The following ARFGEF2 variants were observed in gnomAD, a reference collection of about 807,000 sequenced individuals.
ARFGEF2 encodes brefeldin A-inhibited guanine nucleotide-exchange protein 2.
ARFGEF2 carries 74 observed loss-of-function variants against 219.9 expected under a neutral mutation model. That is an observed-to-expected ratio of 0.34 (90% CI 0.28 to 0.41). ARFGEF2 has a LOEUF of 0.41. Among genes scored for constraint, ARFGEF2 ranks in the 10% least tolerant of loss-of-function variants. The probability of loss-of-function intolerance (pLI) is 1.00; values close to 1 mark genes in which losing one functional copy is unlikely to be tolerated. For missense variants in ARFGEF2, 1,743 were observed against 2,218.3 expected (o/e 0.79, Z 4.30); for synonymous variants, 733 against 799.2 (o/e 0.92, Z 1.40).
At chr20:49,008,148 T>G (rs575121416) in intron 26 of ARFGEF2, among the ~76,000 whole-genome samples, 1 of 152,216 alleles carries the variant, frequency 6.6e-6, no homozygotes, top group Admixed American at 6.5e-5. Context: ...TGAAATATAG[T>G]AAAGCGTTAT....
chr20:48,941,951 C>G lies in ARFGEF2; in HGVS notation c.240C>G (p.Ser80=). Residue 80 remains serine, a synonymous_variant, in exon 3 of 39, where the codon TCC becomes TCG. Transcript: ENST00000371917. ...LPFELACQSK[S]PRVVSTSLDC... ...TCGAGCTAGCTTGCCAGTCCAAGTC[C>G]CCAAGGGTAGTCAGCACATCCCTTG... 2.5e-6 allele frequency: 4 copies of G among 1,614,144 alleles called. No homozygotes were observed. Among genetic ancestry groups the G allele is most frequent in the Non-Finnish European group, 3.4e-6 (4 of 1,180,024 alleles).
At chr20:48,961,356 T>C (rs1409502558) in intron 6 of ARFGEF2, among the ~76,000 whole-genome samples, 1 of 152,046 alleles carries the variant, frequency 6.6e-6, no homozygotes, top group African/African-American at 2.4e-5. Context: ...ACACACAGAT[T>C]AGCCTAGGCC....
In ARFGEF2 at chr20:48,960,506, C is replaced by T. The variant is rs187789802; in HGVS notation, c.839-3324C>T. 3.5e-3 allele frequency among the ~76,000 whole-genome samples: 529 copies of T among 151,142 alleles called. 3 individuals carry two copies. Among genetic ancestry groups the T allele is most frequent in the African/African-American group, 0.012 (507 of 41,224 alleles). On this transcript the variant is annotated intron_variant, in intron 6 of 38. Transcript: ENST00000371917. ...TAATTTTCTTTTTTTTTTTTGAGACCGAGTTTTGCTCCTGTCGCCTAGGCT... is the reference window on the plus strand; with the variant it reads ...TAATTTTCTTTTTTTTTTTTGAGACTGAGTTTTGCTCCTGTCGCCTAGGCT...
intron 37 of ARFGEF2, among the ~76,000 whole-genome samples, chr20:49,030,986 C>G (rs2091630560): frequency 6.6e-6 from 1 of 151,978 alleles, no homozygotes; most frequent in East Asian, 1.9e-4. Flanking sequence ...GAGCAAGACT[C>G]CGTCTCAAAA....
rs2091656290 is a variant in ARFGEF2 at position 49,034,719 on chromosome 20, C to T, written c.*1520C>T. On this transcript the variant is annotated 3_prime_UTR_variant, in exon 39 of 39. Coordinates refer to ENST00000371917, the MANE Select transcript of ARFGEF2 (RefSeq NM_006420.3). ...CTATCTGTAAAATCAGATGTTTTTT[C>T]TTTGTAGAGAAGGATTTCTGGTGCT... 6.6e-6 allele frequency: 1 copy of T among 152,124 alleles called. No homozygotes were observed. Among genetic ancestry groups the T allele is most frequent in the South Asian group, 2.1e-4 (1 of 4,834 alleles). The allele number at this position is 152,124 out of a possible 1,614,324, so 9.4% of individuals were successfully genotyped here.
intron 30 of ARFGEF2, among the ~76,000 whole-genome samples, chr20:49,015,107 G>A (rs886963987): frequency 3.3e-5 from 5 of 152,024 alleles, no homozygotes; most frequent in African/African-American, 1.2e-4. Context: ...TTGTTTGTTT[G>A]TTCCTTTGCT....
At chr20:48,986,018 G>A (rs1438296105) in intron 16 of ARFGEF2, among the ~76,000 whole-genome samples, 1 of 152,138 alleles carries the variant, frequency 6.6e-6, no homozygotes, top group East Asian at 1.9e-4. Context: ...TGATGAGCAG[G>A]TTACAGAAAT....
At chr20:48,924,918 T>A (rs1172496927) in intron 1 of ARFGEF2, among the ~76,000 whole-genome samples, 3 of 152,238 alleles carry the variant, frequency 2.0e-5, no homozygotes, top group Non-Finnish European at 4.4e-5. Flanking sequence ...TAGTAGGTGC[T>A]CAGTAAATGC....
chr20:48,990,669 C>T (rs544408419), intron 20 of ARFGEF2, among the ~76,000 whole-genome samples: 169 of 152,316 alleles, frequency 1.1e-3, no homozygotes, highest in Non-Finnish European at 2.1e-3. Flanking sequence ...CTCTCTGAGA[C>T]ACCAATTCAT....
At position 48,953,712 on chromosome 20, in the gene ARFGEF2, G is replaced by T; in HGVS notation, c.760G>T (p.Glu254Ter). 6.2e-7 allele frequency: 1 copy of T among 1,614,150 alleles called. No homozygotes were observed. The highest frequency in any genetic ancestry group is 8.5e-7 in the Non-Finnish European group (1 of 1,180,042). Residue 254 changes from glutamate to a stop codon, truncating the protein, a stop_gained, in exon 6 of 39, where the codon GAA becomes TAA. Transcript: ENST00000371917. LOFTEE classifies it high-confidence loss of function. Reference sequence around the variant, plus strand: ...CGAAAAAACAGATTTAACCAACGGTGAACATGCCAGGAGTGATTCTGGAAA... The same window carrying T: ...CGAAAAAACAGATTTAACCAACGGTTAACATGCCAGGAGTGATTCTGGAAA... ...TPEKTDLTNG[E>*]HARSDSGKVS...
Position 48,988,039 on chromosome 20 carries a change from C to T in ARFGEF2, c.2277-265C>T, listed in dbSNP as rs553957475. ...CTGACCTCAGGTGATCCACCCATCT[C>T]GGCCTCCCAAAGTGCTGGGATTACA... On this transcript the variant is annotated intron_variant, in intron 16 of 38. Transcript: ENST00000371917. 0.011 allele frequency among the ~76,000 whole-genome samples: 1,720 copies of T among 152,290 alleles called. 14 individuals carry two copies. The highest frequency in any genetic ancestry group is 0.019 in the Non-Finnish European group (1,276 of 68,028).
chr20:49,023,432 TTTA>T (rs1454606475), intron 35 of ARFGEF2, among the ~76,000 whole-genome samples: 1 of 152,156 alleles, frequency 6.6e-6, no homozygotes, highest in African/African-American at 2.4e-5. Context: ...AGAGAGTGAG[TTTA>T]TGAGCATACC....
chr20:48,953,244 T>C (rs1210720451), intron 5 of ARFGEF2, among the ~76,000 whole-genome samples: 1 of 151,312 alleles, frequency 6.6e-6, no homozygotes, highest in African/African-American at 2.4e-5. Flanking sequence ...GACAGGATCA[T>C]GGCTCACTGC....
intron 3 of ARFGEF2, 145 bp downstream of exon 3, chr20:48,942,132 A>G: frequency 1.7e-6 from 2 of 1,164,968 alleles, no homozygotes; most frequent in Non-Finnish European, 2.5e-6. Flanking sequence ...TTCTTTTTGG[A>G]GATCTCATGA....
chr20:48,977,879 C>T (rs140589268), intron 14 of ARFGEF2, among the ~76,000 whole-genome samples: 5,895 of 152,074 alleles, frequency 0.039, 176 homozygotes, highest in Non-Finnish European at 0.058. Flanking sequence ...GGATATTAGC[C>T]CTTTGTCAGA....
Position 48,973,255 on chromosome 20 carries a change from G to C in ARFGEF2, c.1636G>C (p.Gly546Arg). Reference protein sequence around the residue: ...DLSKIAQGRSGHELGMTPLQE... With the variant: ...DLSKIAQGRSRHELGMTPLQE... The stretch of plus-strand genomic sequence containing the variant: ...ATCCAAAATTGCTCAGGGAAGAAGT[G>C]GACATGAGCTGGGAATGACACCTCT... Residue 546 changes from glycine (G) to arginine (R), a missense_variant, in exon 12 of 39, where the codon GGA becomes CGA. Gly to Arg is a moderately radical substitution (Grantham distance 125, BLOSUM62 -2). Coordinates refer to ENST00000371917, the MANE Select transcript of ARFGEF2 (RefSeq NM_006420.3). 6.2e-7 allele frequency: 1 copy of C among 1,614,112 alleles called. No homozygotes were observed. The highest frequency in any genetic ancestry group is 2.2e-5 in the East Asian group (1 of 44,880).
At position 49,032,101 on chromosome 20, in the gene ARFGEF2, C is replaced by G. The variant is rs1303771541; in HGVS notation, c.5116C>G (p.Arg1706Gly). Residue 1706 changes from arginine to glycine, a missense_variant, in exon 38 of 39, where the codon CGG becomes GGG. Coordinates refer to ENST00000371917, the MANE Select transcript of ARFGEF2 (RefSeq NM_006420.3). ...YFITVNSESH[R>G]EAWTSLLLLL... is the part of the protein sequence containing the mutation. ...CATCACTGTGAATTCTGAGAGCCAT[C>G]GGGAGGCCTGGACAAGTCTCTTGTT... The G allele has an allele frequency of 1.2e-6, 2 of 1,613,912 alleles. No homozygotes were observed. The highest frequency in any genetic ancestry group is 1.3e-5 in the African/African-American group (1 of 74,894).
intron 3 of ARFGEF2, among the ~76,000 whole-genome samples, chr20:48,943,035 G>C (rs2123322170): frequency 6.6e-6 from 1 of 152,214 alleles, no homozygotes; most frequent in Non-Finnish European, 1.5e-5. Context: ...CTTGCTGTTA[G>C]GAACACTGGA....
At chr20:48,941,526 T>C in intron 2 of ARFGEF2, among the ~76,000 whole-genome samples, 1 of 152,192 alleles carries the variant, frequency 6.6e-6, no homozygotes, top group East Asian at 1.9e-4. Context: ...ATGGCCTGCT[T>C]CCTTAGGCAT....
Sources: gnomAD v4.1 joint callset for allele counts (sites outside exome capture counted in the v4.1 genomes callset) on GRCh38, gnomAD v4.1.1 for gene constraint, MANE v1.5 for transcripts, NCBI Gene and HGNC (gene_info 2026-07-23, HGNC 2026-07-21) for gene names.